Variants in CHD8 observed in about 807,000 individuals in gnomAD.
CHD8 encodes the protein chromodomain helicase DNA binding protein 8.
Under a neutral mutation model 279.2 loss-of-function variants are expected in CHD8, and 31 were observed. The observed-to-expected ratio is 0.11, with a 90% CI of 0.08 to 0.15. The LOEUF is 0.15. Ranked by LOEUF, CHD8 falls within the 10% of genes least tolerant of loss-of-function variation. The probability of loss-of-function intolerance (pLI) is 1.00; values close to 1 mark genes in which losing one functional copy is unlikely to be tolerated. For missense variants in CHD8, 2,146 were observed against 3,230.5 expected (o/e 0.66, Z 8.14); for synonymous variants, 1,081 against 1,139.6 (o/e 0.95, Z 1.04).
At chr14:21,395,703 A>G (rs1367936234) in intron 28 of CHD8, 114 bp downstream of exon 28, 4 of 725,912 alleles carry the variant, frequency 5.5e-6, no homozygotes, top group Non-Finnish European at 9.5e-6. Flanking sequence ...GGTATAATTC[A>G]TTTTCCATTT....
At chr14:21,452,854 C>T (rs1223646043) in intron 1 of CHD8, among the ~76,000 whole-genome samples, 1 of 150,632 alleles carries the variant, frequency 6.6e-6, no homozygotes, top group Non-Finnish European at 1.5e-5. Flanking sequence ...CATGGTGGTG[C>T]GCGCCTGTAG....
intron 1 of CHD8, among the ~76,000 whole-genome samples, chr14:21,435,366 C>T (rs891098281): frequency 4.6e-5 from 7 of 152,190 alleles, no homozygotes; most frequent in Non-Finnish European, 8.8e-5. Flanking sequence ...ACTTCATCTC[C>T]TTCTTAAAGG....
intron 16 of CHD8, among the ~76,000 whole-genome samples, chr14:21,404,590 C>A (rs1373542266): frequency 6.6e-6 from 1 of 152,092 alleles, no homozygotes; most frequent in Non-Finnish European, 1.5e-5. Flanking sequence ...GACATTTATC[C>A]AAGGAACAGA....
Position 21,403,800 on chromosome 14 carries a change from C to G in CHD8, c.3308-137G>C. ...ATTTCTCACACACAGAATTTCAGCACAAAAAAGTCTTAAATCGGCTGGGTA... is the reference window on the plus strand; with the variant it reads ...ATTTCTCACACACAGAATTTCAGCAGAAAAAAGTCTTAAATCGGCTGGGTA... On this transcript the variant is annotated intron_variant, in intron 16 of 37. Transcript: ENST00000646647. This position sits in a 1 kb window ranked among gnomAD's most constrained non-coding sequence, Gnocchi z 4.3. 1.3e-6 allele frequency: 1 copy of G among 799,728 alleles called. No homozygotes were observed. The allele number at this position is 799,728 out of a possible 1,614,324, so 49.5% of individuals were successfully genotyped here. A position where few individuals can be genotyped will look rare whatever the true frequency, so the allele number is the denominator to read the frequency against.
At chr14:21,388,694 G>A (rs1481075249) in intron 37 of CHD8, among the ~76,000 whole-genome samples, 1 of 152,036 alleles carries the variant, frequency 6.6e-6, no homozygotes, top group Non-Finnish European at 1.5e-5. Flanking sequence ...GGGGTCCCCA[G>A]GCTGGTCTTG....
rs750757608 is a variant in CHD8, at chr14:21,391,591, T to C, written c.6937A>G (p.Thr2313Ala). Residue 2313 changes from threonine to alanine, a missense_variant, in exon 36 of 38, where the codon ACC (threonine) becomes GCC (alanine). Thr to Ala is a moderately conservative substitution (Grantham distance 58). Transcript: ENST00000646647. ...ACCTTATTGATGACAGGGATCCGGG[T>C]CTCCAGGTCCACATCAAGGTGATTA... ...EPNHLDVDLETRIPVINKVDG... is the reference protein window; with the variant it reads ...EPNHLDVDLEARIPVINKVDG... The C allele has an allele frequency of 9.3e-6, 15 of 1,611,452 alleles. No homozygotes were observed. Among genetic ancestry groups the C allele is most frequent in the Non-Finnish European group, 1.2e-5 (14 of 1,178,960 alleles).
intron 1 of CHD8, among the ~76,000 whole-genome samples, chr14:21,441,175 T>C (rs1889950968): frequency 6.6e-6 from 1 of 152,192 alleles, no homozygotes; most frequent in African/African-American, 2.4e-5. Flanking sequence ...TATTTGGCAA[T>C]GGCAGATATT....
At position 21,392,632 on chromosome 14, in the gene CHD8, G is replaced by A; in HGVS notation, c.6646C>T (p.Pro2216Ser). Residue 2216 changes from proline (P) to serine (S), a missense_variant, in exon 34 of 38, where the codon CCA (proline) becomes TCA (serine). Physicochemically the swap from Pro to Ser is moderately conservative, Grantham distance 74. Transcript: ENST00000646647. ...GEYGDSPVPT[P>S]RSSSAASMAE... ...ATGGAAGCTGCACTACTACTTCGTG[G>A]TGTGGGGACTGGAGAGTCACCATAT... 1.2e-6 allele frequency: 2 copies of A among 1,614,000 alleles called. No individual in the cohort carries two copies. Among genetic ancestry groups the A allele is most frequent in the Non-Finnish European group, 1.7e-6 (2 of 1,179,896 alleles).
intron 5 of CHD8, among the ~76,000 whole-genome samples, chr14:21,424,532 G>A (rs748222179): frequency 5.3e-5 from 8 of 152,024 alleles, no homozygotes; most frequent in Middle Eastern, 3.4e-3. Flanking sequence ...GTGCAGTGGC[G>A]CAATCTTGGC....
At chr14:21,409,729 C>A in intron 11 of CHD8, 122 bp downstream of exon 11, 3 of 882,604 alleles carry the variant, frequency 3.4e-6, no homozygotes, top group South Asian at 1.8e-5. Context: ...TATACCATTT[C>A]TTCGATTTTT....
intron 16 of CHD8, chr14:21,404,906 A>G: frequency 3.5e-6 from 1 of 282,300 alleles, no homozygotes; most frequent in Non-Finnish European, 6.6e-6. Context: ...ATCTCGGCTC[A>G]CTGCAACCTC....
chr14:21,453,037 G>C (rs1418883588), intron 1 of CHD8, among the ~76,000 whole-genome samples: 3 of 151,508 alleles, frequency 2.0e-5, no homozygotes, highest in African/African-American at 2.4e-5. Context: ...GGCTGGGTGT[G>C]GTGGCCCACA....
intron 1 of CHD8, among the ~76,000 whole-genome samples, chr14:21,444,523 T>C (rs537004656): frequency 1.3e-5 from 2 of 152,272 alleles, no homozygotes; most frequent in South Asian, 2.1e-4. Context: ...AAGCCTGCTC[T>C]AGATGTTCTA....
At chr14:21,436,027 T>G (rs1213666047) in intron 1 of CHD8, among the ~76,000 whole-genome samples, 2 of 152,246 alleles carry the variant, frequency 1.3e-5, no homozygotes, top group East Asian at 3.8e-4. Flanking sequence ...AGATATCTAT[T>G]GCCCACTTAT....
chr14:21,421,994 A>G (rs565854219), intron 5 of CHD8, among the ~76,000 whole-genome samples: 1 of 152,298 alleles, frequency 6.6e-6, no homozygotes, highest in Admixed American at 6.5e-5. Flanking sequence ...TCAGGAGAAA[A>G]CAAACTTGCA....
intron 1 of CHD8, among the ~76,000 whole-genome samples, chr14:21,439,091 C>T (rs1340284697): frequency 6.6e-6 from 1 of 152,072 alleles, no homozygotes; most frequent in Non-Finnish European, 1.5e-5. Flanking sequence ...CATGCCAAGG[C>T]ACTCCAGCCT....
rs771948218 is a variant in CHD8 at position 21,405,727 on chromosome 14, C to T, written c.3045G>A (p.Glu1015=). The change falls in exon 15 of 38, where the codon GAG becomes GAA. Residue 1015 remains glutamate, a synonymous_variant. Transcript: ENST00000646647. This position sits in a 1 kb window ranked among gnomAD's most constrained non-coding sequence, Gnocchi z 4.2. The part of the protein sequence containing the change: ...FLKDFGDLKT[E]EQVQKLQAIL... ...CATCAGATAGATTTCCTACCTGTTC[C>T]TCTGTCTTGAGATCCCCAAAGTCCT... The T allele has an allele frequency of 6.2e-7, 1 of 1,613,558 alleles. No individual in the cohort carries two copies. The highest frequency in any genetic ancestry group is 1.7e-5 in the Admixed American group (1 of 59,910).
intron 5 of CHD8, among the ~76,000 whole-genome samples, chr14:21,418,746 G>A (rs965898122): frequency 6.6e-6 from 1 of 152,226 alleles, no homozygotes; most frequent in Non-Finnish European, 1.5e-5. Context: ...AACCCAGGAG[G>A]CGGAGCTTGC....
chr14:21,404,398 T>TAAAAA (rs974957250), intron 16 of CHD8, among the ~76,000 whole-genome samples: 7 of 98,668 alleles, frequency 7.1e-5, no homozygotes, highest in Non-Finnish European at 1.5e-4. Context: ...AACTCCATCT[T>TAAAAA]AAAAAAAAAA....
Sources: allele counts gnomAD v4.1 joint callset (sites outside exome capture counted in the v4.1 genomes callset), GRCh38; gene constraint gnomAD v4.1.1; non-coding constraint Gnocchi (gnomAD v3.1); transcripts MANE v1.5; gene names NCBI Gene and HGNC (gene_info 2026-07-23, HGNC 2026-07-21).